The following CDK5RAP2 variants were observed in gnomAD, a reference collection of about 807,000 sequenced individuals.
CDK5RAP2 encodes the protein CDK5 regulatory subunit associated protein 2.
Under a neutral mutation model 232.9 loss-of-function variants are expected in CDK5RAP2, and 147 were observed. That is an observed-to-expected ratio of 0.63 (90% CI 0.55 to 0.72). The LOEUF is 0.72. Among genes scored for constraint, CDK5RAP2 ranks in the 30% least tolerant of loss-of-function variants. The pLI is 0.00. For synonymous variants in CDK5RAP2, 833 were observed against 833.7 expected, an observed-to-expected ratio of 1.00 and a Z score of 0.01; for missense variants, 2,195 against 2,231.5, an observed-to-expected ratio of 0.98 and a Z score of 0.33.
chr9:120,517,781 T>C (rs1414276048), intron 12 of CDK5RAP2: 1 of 256,386 alleles, frequency 3.9e-6, no homozygotes, highest in South Asian at 4.4e-5. Context: ...ATCAGTGAGG[T>C]GGGCATGGTG....
intron 36 of CDK5RAP2, chr9:120,390,085 C>T (rs1270735529): frequency 2.8e-6 from 1 of 363,274 alleles, no homozygotes; most frequent in Non-Finnish European, 5.3e-6. Flanking sequence ...CAGCTGTGCA[C>T]GGCCACCTGG....
chr9:120,437,378 T>C lies in CDK5RAP2; in HGVS notation c.3872A>G (p.Asp1291Gly). 1 of 1,614,094 alleles carries C rather than the reference T, an allele frequency of 6.2e-7. No homozygotes were observed. Among genetic ancestry groups the C allele is most frequent in the Non-Finnish European group, 8.5e-7 (1 of 1,180,000 alleles). The change falls in exon 25 of 38, where the codon GAT becomes GGT. Residue 1291 changes from aspartate to glycine, a missense_variant. Asp to Gly is a moderately conservative substitution (Grantham distance 94). Coordinates refer to ENST00000349780, the MANE Select transcript of CDK5RAP2 (RefSeq NM_018249.6). ...CTGGAAACCCTCGGCCACACAGTAA[T>C]CCACATCACTGGCCTGCAGCAACTC... Reference protein sequence around the residue: ...FEELLQASDVDYCVAEGFQEQ... With the variant: ...FEELLQASDVGYCVAEGFQEQ...
chr9:120,439,928 A>G lies in CDK5RAP2; in HGVS notation c.3193T>C (p.Cys1065Arg), dbSNP rs2035800671. 6.2e-7 allele frequency: 1 copy of G among 1,614,192 alleles called. No homozygotes were observed. The highest frequency in any genetic ancestry group is 1.3e-5 in the African/African-American group (1 of 75,056). The part of the protein sequence containing the change: ...PPDDLASLPS[C>R]KENPEDVLSP... ...AGAACATCTTCAGGATTTTCTTTGCATGATGGCAAGCTGGCAAGGTCATCA... is the reference window on the plus strand; with the variant it reads ...AGAACATCTTCAGGATTTTCTTTGCGTGATGGCAAGCTGGCAAGGTCATCA... Residue 1065 changes from cysteine (C) to arginine (R), a missense_variant, in exon 24 of 38, where the codon TGC becomes CGC. Cys to Arg is a radical substitution (Grantham distance 180). Transcript: ENST00000349780.
chr9:120,520,647 AATAT>A (rs200559827), intron 11 of CDK5RAP2, among the ~76,000 whole-genome samples: 9 of 151,940 alleles, frequency 5.9e-5, no homozygotes, highest in African/African-American at 1.7e-4. Context: ...TGTCTCAAAA[AATAT>A]ATATATATCT....
intron 28 of CDK5RAP2, 89 bp downstream of exon 28, chr9:120,414,951 T>G: frequency 6.7e-7 from 1 of 1,486,314 alleles, no homozygotes; most frequent in Non-Finnish European, 9.4e-7. Context: ...ATCAAGCACC[T>G]GCTTTGTACA....
chr9:120,455,269 A>T (rs2036696347), intron 20 of CDK5RAP2, among the ~76,000 whole-genome samples: 1 of 151,756 alleles, frequency 6.6e-6, no homozygotes. Context: ...GAAATGGAAC[A>T]GTCTAAGCAT....
intron 5 of CDK5RAP2, among the ~76,000 whole-genome samples, chr9:120,539,993 A>G (rs1028688825): frequency 6.6e-6 from 1 of 152,170 alleles, no homozygotes; most frequent in Non-Finnish European, 1.5e-5. Flanking sequence ...CATCAGGATC[A>G]ATCTGTTTGC....
chr9:120,423,820 A>C (rs373686114), intron 25 of CDK5RAP2, among the ~76,000 whole-genome samples: 1 of 152,272 alleles, frequency 6.6e-6, no homozygotes, highest in Admixed American at 6.5e-5. Flanking sequence ...CACAGTATAG[A>C]GGAAAAGATC....
chr9:120,423,618 C>G (rs1393302033), intron 25 of CDK5RAP2, among the ~76,000 whole-genome samples: 1 of 152,170 alleles, frequency 6.6e-6, no homozygotes, highest in African/African-American at 2.4e-5. Flanking sequence ...AAGAGACTAA[C>G]AACTTTATTT....
intron 5 of CDK5RAP2, among the ~76,000 whole-genome samples, chr9:120,542,235 G>A (rs950916397): frequency 1.1e-4 from 17 of 152,332 alleles, no homozygotes; most frequent in African/African-American, 4.1e-4. Context: ...CAGGCATGGT[G>A]GCTCATGCTT....
chr9:120,518,221 G>C (rs866717557), intron 12 of CDK5RAP2, among the ~76,000 whole-genome samples: 593 of 141,614 alleles, frequency 4.2e-3, no homozygotes, highest in South Asian at 0.014. Context: ...GAGAGAGAGA[G>C]AGAGAGAGAG....
intron 6 of CDK5RAP2, among the ~76,000 whole-genome samples, chr9:120,537,355 T>C (rs991714137): frequency 7.9e-5 from 12 of 151,922 alleles, no homozygotes; most frequent in Non-Finnish European, 5.9e-5. Context: ...CAGAAAAAAA[T>C]GTTGGCTCCC....
chr9:120,537,691 TAAAAAAA>T (rs773858392), intron 6 of CDK5RAP2, among the ~76,000 whole-genome samples: 1 of 135,764 alleles, frequency 7.4e-6, no homozygotes. Flanking sequence ...ATCATCTGTT[TAAAAAAA>T]AAAAAAAAGA....
At chr9:120,570,638 G>A (rs59165716) in intron 2 of CDK5RAP2, among the ~76,000 whole-genome samples, 1 of 152,016 alleles carries the variant, frequency 6.6e-6, no homozygotes. Flanking sequence ...TCAGAAGTTC[G>A]AGACCAGCCT....
At chr9:120,414,184 A>G (rs2034063911) in intron 28 of CDK5RAP2, among the ~76,000 whole-genome samples, 1 of 152,256 alleles carries the variant, frequency 6.6e-6, no homozygotes, top group Non-Finnish European at 1.5e-5. Context: ...CCTACTCATA[A>G]CATTGCCTCA....
intron 15 of CDK5RAP2, 56 bp from the exon 16 acceptor site, chr9:120,471,934 G>T: frequency 6.2e-7 from 1 of 1,609,732 alleles, no homozygotes; most frequent in Non-Finnish European, 8.5e-7. Flanking sequence ...ACTTTTAGAT[G>T]CAAAGCCCAG....
Position 120,545,797 on chromosome 9 carries a change from A to G in CDK5RAP2, c.307-7T>C. The G allele has an allele frequency of 6.2e-7, 1 of 1,609,738 alleles. No individual in the cohort carries two copies. Among genetic ancestry groups the G allele is most frequent in the Non-Finnish European group, 8.5e-7 (1 of 1,176,118 alleles). The stretch of plus-strand genomic sequence containing the variant: ...CCACCTTGAGCTCAATGTTCTACAA[A>G]ACAAGATTAAGAAAGAAAAGAAACA... On this transcript the variant is annotated splice_region_variant and splice_polypyrimidine_tract_variant and intron_variant, in intron 4 of 37. Transcript: ENST00000349780.
intron 13 of CDK5RAP2, 21 bp from the exon 14 acceptor site, chr9:120,487,458 C>A (rs2038673017): frequency 6.4e-7 from 1 of 1,571,688 alleles, no homozygotes; most frequent in Non-Finnish European, 8.7e-7. Context: ...AAAACAAATT[C>A]TAAGGAAATT....
intron 18 of CDK5RAP2, among the ~76,000 whole-genome samples, chr9:120,467,037 G>C (rs2037419160): frequency 6.6e-6 from 1 of 152,178 alleles, no homozygotes; most frequent in Non-Finnish European, 1.5e-5. Context: ...CTACGAGAGA[G>C]TCAGGCCACA....
Sources: gnomAD v4.1 joint callset for allele counts (sites outside exome capture counted in the v4.1 genomes callset) on GRCh38, gnomAD v4.1.1 for gene constraint, MANE v1.5 for transcripts, NCBI Gene and HGNC (gene_info 2026-07-23, HGNC 2026-07-21) for gene names.